Variants in ABCG8 observed in about 807,000 individuals in gnomAD.
ABCG8 encodes ATP-binding cassette sub-family G member 8.
A neutral mutation model predicts 71.3 loss-of-function variants in ABCG8; 81 were observed. That is an observed-to-expected ratio of 1.14 (90% CI 0.95 to 1.37). The LOEUF (loss-of-function observed/expected upper bound fraction) is 1.37. Ranked by LOEUF, ABCG8 falls within the 40% of genes most tolerant of loss-of-function variation. ABCG8 has a pLI of 0.00. For missense variants in ABCG8, 1,119 were observed against 866.2 expected, an observed-to-expected ratio of 1.29 and a Z score of -3.66; for synonymous variants, 451 against 354.7, an observed-to-expected ratio of 1.27 and a Z score of -3.05.
chr2:43,861,546 C>G (rs1222479576), intron 6 of ABCG8, among the ~76,000 whole-genome samples: 3 of 150,662 alleles, frequency 2.0e-5, no homozygotes, highest in African/African-American at 2.4e-5. Flanking sequence ...TTCTCAGCAT[C>G]TGGATAAAAC....
chr2:43,855,557 C>T (rs1287608089), intron 6 of ABCG8, among the ~76,000 whole-genome samples: 1 of 151,786 alleles, frequency 6.6e-6, no homozygotes, highest in East Asian at 2.0e-4. Flanking sequence ...TTTGTGGATA[C>T]AGTTCTCACC....
rs940182120 is a variant in ABCG8 at position 43,882,058 on chromosome 2, C to T, written c.*4145C>T. 7.2e-5 allele frequency: 11 copies of T among 152,088 alleles called. No homozygotes were observed. The highest frequency in any genetic ancestry group is 7.2e-4 in the Admixed American group (11 of 15,274). The allele number at this position is 152,088 out of a possible 1,614,324, so 9.4% of individuals were successfully genotyped here. The stretch of plus-strand genomic sequence containing the variant: ...GCCTTGGTAAAGGTTTTCAAATTTG[C>T]ATTTTAAGCCCTCCAATTTCAAGTT... On this transcript the variant is annotated 3_prime_UTR_variant, in exon 13 of 13. Transcript: ENST00000272286.
In ABCG8 at chr2:43,846,247, G is replaced by T; in HGVS notation, c.258G>T (p.Leu86=). ...TSPSCQNSCE[L]GIQNLSFKVR... is the part of the protein sequence containing the mutation. ...CCAGCTGCCAGAATTCTTGTGAGCT[G>T]GGCATCCAGAACCTAAGCTTCAAAG... Residue 86 remains leucine, a synonymous_variant, in exon 3 of 13, where the codon CTG becomes CTT. Transcript: ENST00000272286. 6.2e-7 allele frequency: 1 copy of T among 1,614,140 alleles called. No individual in the cohort carries two copies. Among genetic ancestry groups the T allele is most frequent in the Non-Finnish European group, 8.5e-7 (1 of 1,180,026 alleles).
chr2:43,848,570 C>A (rs1668816420), intron 3 of ABCG8: 1 of 152,152 alleles, frequency 6.6e-6, no homozygotes, highest in Non-Finnish European at 1.5e-5. Context: ...CAGCCTCAGG[C>A]CAAATTTAGT....
chr2:43,848,569 G>C (rs1016380054), intron 3 of ABCG8: 1 of 152,208 alleles, frequency 6.6e-6, no homozygotes, highest in African/African-American at 2.4e-5. Context: ...GCAGCCTCAG[G>C]CCAAATTTAG....
chr2:43,870,228 C>T (rs4953026), intron 6 of ABCG8, among the ~76,000 whole-genome samples: 120,652 of 151,502 alleles, frequency 0.8, 48,297 homozygotes, highest in East Asian at 0.99. Context: ...TGGATATAAT[C>T]CTCACTCTCT....
In ABCG8 at chr2:43,875,151, C is replaced by G. The variant is rs748256968; in HGVS notation, c.1494C>G (p.Leu498=). ...TTGPYFFAKI[L]GELPEHCAYI... ...GCAAGGGCTGTTCTTTGCAGATCCT[C>G]GGGGAGCTTCCGGAGCACTGTGCCT... The change falls in exon 11 of 13, where the codon CTC becomes CTG. Residue 498 remains leucine (L), a synonymous_variant. Transcript: ENST00000272286. 3.0e-5 allele frequency: 49 copies of G among 1,614,084 alleles called. No homozygotes were observed. The highest frequency in any genetic ancestry group is 2.5e-6 in the Non-Finnish European group (3 of 1,180,054).
At chr2:43,849,697 A>C (rs1357218166) in intron 3 of ABCG8, among the ~76,000 whole-genome samples, 2 of 152,072 alleles carry the variant, frequency 1.3e-5, no homozygotes, top group Non-Finnish European at 2.9e-5. Flanking sequence ...GGTCCCTGTG[A>C]ATGTTGGTGA....
intron 8 of ABCG8, among the ~76,000 whole-genome samples, chr2:43,873,496 C>T (rs184741276): frequency 9.2e-5 from 14 of 152,138 alleles, no homozygotes; most frequent in South Asian, 2.1e-4. Context: ...CCAGCCTGTC[C>T]GTACATCTTT....
chr2:43,849,098 G>GCAATGC (rs1211131659), intron 3 of ABCG8, among the ~76,000 whole-genome samples: 1 of 150,044 alleles, frequency 6.7e-6, no homozygotes, highest in East Asian at 1.9e-4. Flanking sequence ...TATACTCTCA[G>GCAATGC]CAATGCCAAA....
In ABCG8 at chr2:43,846,364, G is replaced by C. The variant is rs532694064; in HGVS notation, c.322+53G>C. 1.6e-5 allele frequency: 25 copies of C among 1,612,318 alleles called. No homozygotes were observed. In the East Asian group the frequency reaches 5.3e-4, roughly 35 times the overall value. On this transcript the variant is annotated intron_variant, in intron 3 of 12. Transcript: ENST00000272286. ...TGGTTTCTCTCCTGGGATACAGAAT[G>C]GTCCTTTGGACAAATGGATGCTTCT...
At chr2:43,847,081 G>C (rs569692372) in intron 3 of ABCG8, 1 of 153,168 alleles carries the variant, frequency 6.5e-6, no homozygotes, top group East Asian at 1.9e-4. Flanking sequence ...AGGGATTCTC[G>C]TAAGGACACA....
intron 6 of ABCG8, among the ~76,000 whole-genome samples, chr2:43,866,713 TGTGGAGAAATAGGAA>T (rs1239133819): frequency 7.3e-5 from 11 of 151,724 alleles, no homozygotes; most frequent in African/African-American, 2.7e-4. Context: ...CTGGAGAGGA[TGTGGAGAAATAGGAA>T]CACTTTTACA....
At position 43,877,566 on chromosome 2, in the gene ABCG8, G is replaced by T; in HGVS notation, c.1762G>T (p.Ala588Ser). The change falls in exon 12 of 13, where the codon GCG (alanine) becomes TCG (serine). Residue 588 changes from alanine (A) to serine (S), a missense_variant. Physicochemically the swap from Ala to Ser is moderately conservative, Grantham distance 99. Coordinates refer to ENST00000272286, the MANE Select transcript of ABCG8 (RefSeq NM_022437.3). ...ACGCGGCTGTCTGTCTCCAGTGCCCGCGTGGATTTCCAAAGTGTCCTTCCT... is the reference window on the plus strand; with the variant it reads ...ACGCGGCTGTCTGTCTCCAGTGCCCTCGTGGATTTCCAAAGTGTCCTTCCT... Reference protein sequence around the residue: ...INLSSLWTVPAWISKVSFLRW... With the variant: ...INLSSLWTVPSWISKVSFLRW... 1 of 1,613,902 alleles carries T rather than the reference G, an allele frequency of 6.2e-7. No individual in the cohort carries two copies. The highest frequency in any genetic ancestry group is 8.5e-7 in the Non-Finnish European group (1 of 1,180,008).
chr2:43,879,009 C>A lies in ABCG8; in HGVS notation c.*1096C>A, dbSNP rs1365095573. 6.6e-6 allele frequency: 1 copy of A among 152,298 alleles called. No homozygotes were observed. The highest frequency in any genetic ancestry group is 1.5e-5 in the Non-Finnish European group (1 of 68,104). The allele number at this position is 152,298 out of a possible 1,614,324, so 9.4% of individuals were successfully genotyped here. On this transcript the variant is annotated 3_prime_UTR_variant, in exon 13 of 13. Transcript: ENST00000272286. ...AGCCTTCCACCACGACTGCAAGTTT[C>A]CTGAGGCTGCCCCAGCCGTGCTGAA...
At position 43,844,491 on chromosome 2, in the gene ABCG8, C is replaced by G. The variant is rs760293551; in HGVS notation, c.64-16C>G. The stretch of plus-strand genomic sequence containing the variant: ...CAGCTTCTAAAGGAGCCCCTCATCT[C>G]TCCTGTCTCCCACAGGGCCTCCAGG... On this transcript the variant is annotated splice_polypyrimidine_tract_variant and intron_variant, in intron 1 of 12. Transcript: ENST00000272286. 6.9e-6 allele frequency: 11 copies of G among 1,605,666 alleles called. No individual in the cohort carries two copies. In the African/African-American group the frequency reaches 1.3e-4, roughly 20 times the overall value.
chr2:43,853,651 G>A (rs1407297537), intron 6 of ABCG8, among the ~76,000 whole-genome samples: 1 of 152,162 alleles, frequency 6.6e-6, no homozygotes, highest in Non-Finnish European at 1.5e-5. Context: ...GCAAACATGG[G>A]GCCCAAACAT....
intron 6 of ABCG8, among the ~76,000 whole-genome samples, chr2:43,854,855 A>G (rs1669047003): frequency 6.6e-6 from 1 of 152,042 alleles, no homozygotes; most frequent in Non-Finnish European, 1.5e-5. Context: ...CTGCAAGAGG[A>G]CAGCTGTGGT....
chr2:43,869,885 C>G (rs550259074), intron 6 of ABCG8, among the ~76,000 whole-genome samples: 4 of 152,142 alleles, frequency 2.6e-5, no homozygotes, highest in Admixed American at 6.5e-5. Context: ...AATTCTCACT[C>G]TCTGGATAGA....
Sources: gnomAD v4.1 joint callset for allele counts (sites outside exome capture counted in the v4.1 genomes callset) on GRCh38, gnomAD v4.1.1 for gene constraint, MANE v1.5 for transcripts, NCBI Gene and HGNC (gene_info 2026-07-23, HGNC 2026-07-21) for gene names.